The following MAST4 variants were observed in gnomAD, a reference collection of about 807,000 sequenced individuals.
MAST4 encodes the protein microtubule-associated serine/threonine-protein kinase 4.
Under a neutral mutation model 162.7 loss-of-function variants are expected in MAST4, and 89 were observed. The observed-to-expected ratio is 0.55, with a 90% CI of 0.46 to 0.65. MAST4 has a LOEUF of 0.65. Ranked by LOEUF, MAST4 falls within the 30% of genes least tolerant of loss-of-function variation. The probability of loss-of-function intolerance (pLI) is 0.00; values close to 1 mark genes in which losing one functional copy is unlikely to be tolerated. For synonymous variants in MAST4, 1,479 were observed against 1,361.1 expected (o/e 1.09, Z -1.91); for missense variants, 3,153 against 3,374.0 (o/e 0.93, Z 1.62).
At chr5:67,131,387 T>A (rs1768945313) in intron 15 of MAST4, among the ~76,000 whole-genome samples, 1 of 152,176 alleles carries the variant, frequency 6.6e-6, no homozygotes, top group African/African-American at 2.4e-5. Context: ...AAAGATGGTA[T>A]TATTACCATC....
chr5:66,772,356 A>G (rs1754397420), intron 2 of MAST4, among the ~76,000 whole-genome samples: 2 of 151,762 alleles, frequency 1.3e-5, no homozygotes, highest in African/African-American at 4.8e-5. Context: ...TTTTTTTAAG[A>G]TTTTACCCTC....
intron 1 of MAST4, among the ~76,000 whole-genome samples, chr5:66,635,086 A>G (rs1266342319): frequency 6.6e-6 from 1 of 152,226 alleles, no homozygotes; most frequent in East Asian, 1.9e-4. Flanking sequence ...CAGGTACATC[A>G]TTCTTGTTAG....
At chr5:66,624,619 G>T (rs564390332) in intron 1 of MAST4, among the ~76,000 whole-genome samples, 1 of 152,232 alleles carries the variant, frequency 6.6e-6, no homozygotes, top group South Asian at 2.1e-4. Context: ...AAAGCTGGAG[G>T]CATCCAACTT....
In MAST4 at chr5:67,166,399, C is replaced by A; in HGVS notation, c.7220C>A (p.Ala2407Asp). Residue 2407 changes from alanine to aspartate, a missense_variant, in exon 29 of 29, where the codon GCC becomes GAC. Ala to Asp is a moderately radical substitution (Grantham distance 126). Around this residue, in one of 7 missense-constraint regions of MAST4, gnomAD observed 1,644 missense variants for 1,495.0 expected, o/e 1.10. Coordinates refer to ENST00000403625, the MANE Select transcript of MAST4 (RefSeq NM_001164664.2). Reference sequence around the variant, plus strand: ...CGGTTGAAAGGCGCGGAGCGGCCAGCCGCGGGGGTGGGGAAGGGCTTCCCT... The same window carrying A: ...CGGTTGAAAGGCGCGGAGCGGCCAGACGCGGGGGTGGGGAAGGGCTTCCCT... The part of the protein sequence containing the change: ...ENRLKGAERP[A>D]AGVGKGFPEA... 6.2e-7 allele frequency: 1 copy of A among 1,610,196 alleles called. No individual in the cohort carries two copies.
At chr5:66,813,263 A>G (rs941201705) in intron 3 of MAST4, among the ~76,000 whole-genome samples, 8 of 152,210 alleles carry the variant, frequency 5.3e-5, no homozygotes, top group Admixed American at 1.3e-4. Flanking sequence ...ATGTATCGCA[A>G]TTATAGAGGA....
At chr5:66,640,854 C>T (rs1055903410) in intron 1 of MAST4, among the ~76,000 whole-genome samples, 5 of 152,028 alleles carry the variant, frequency 3.3e-5, no homozygotes, top group African/African-American at 1.2e-4. Context: ...AGCAATGTAC[C>T]AGGGTTCCCT....
At chr5:67,061,220 CCCCCCT>C (rs1759546778) in intron 5 of MAST4, among the ~76,000 whole-genome samples, 1 of 151,970 alleles carries the variant, frequency 6.6e-6, no homozygotes, top group African/African-American at 2.4e-5. Context: ...AACTTTTGTT[CCCCCCT>C]TATCACCACC....
intron 4 of MAST4, among the ~76,000 whole-genome samples, chr5:67,003,339 T>C (rs975318437): frequency 1.3e-5 from 2 of 152,140 alleles, no homozygotes; most frequent in African/African-American, 4.8e-5. Flanking sequence ...ACGAAAGCCT[T>C]GGACATGAAA....
rs116288711 is a variant in MAST4, at chr5:66,993,341, G to A, written c.675-61063G>A. Among the ~76,000 whole-genome samples, 1,439 of 152,272 alleles carry A rather than the reference G, an allele frequency of 9.5e-3. 10 individuals carry two copies. Among genetic ancestry groups the A allele is most frequent in the Non-Finnish European group, 0.014 (978 of 68,020 alleles). ...AAATGTGTGTGCAACCATTCATTCC[G>A]CTGAGTGTCTGGTGTGTACTTTGAG... On this transcript the variant is annotated intron_variant, in intron 4 of 28. Transcript: ENST00000403625.
intron 4 of MAST4, among the ~76,000 whole-genome samples, chr5:67,047,756 A>G (rs980957801): frequency 6.6e-6 from 1 of 152,196 alleles, no homozygotes; most frequent in Non-Finnish European, 1.5e-5. Context: ...CATGGGCCAT[A>G]GGGAAGAGGA....
At chr5:66,648,549 T>C (rs1746014848) in intron 1 of MAST4, among the ~76,000 whole-genome samples, 1 of 152,148 alleles carries the variant, frequency 6.6e-6, no homozygotes, top group Middle Eastern at 3.2e-3. Context: ...TGTTTTGTCT[T>C]TGGCATTCCT....
At chr5:67,095,967 A>ACAC (rs1380245289) in intron 7 of MAST4, among the ~76,000 whole-genome samples, 3 of 151,952 alleles carry the variant, frequency 2.0e-5, no homozygotes, top group African/African-American at 7.3e-5. Context: ...GGGGGGAAAA[A>ACAC]CACAATCTAG....
In MAST4 at chr5:67,061,773, G is replaced by A. The variant is rs545652324; in HGVS notation, c.763+7281G>A. 1.6e-4 allele frequency among the ~76,000 whole-genome samples: 23 copies of A among 148,250 alleles called. No homozygotes were observed. In the South Asian group the frequency reaches 4.9e-3, roughly 31 times the overall value. ...CTTTACCTTTTCATACTCTTAGTCT[G>A]TCAGTATAGGATGATGGTTTTCCTA... On this transcript the variant is annotated intron_variant, in intron 5 of 28. Transcript: ENST00000403625.
At chr5:66,811,888 C>A (rs1756497194) in intron 3 of MAST4, among the ~76,000 whole-genome samples, 1 of 152,106 alleles carries the variant, frequency 6.6e-6, no homozygotes, top group Admixed American at 6.5e-5. Flanking sequence ...GGGTAGAGAA[C>A]CTGGTGACTT....
chr5:66,888,118 A>C (rs1233374999), intron 3 of MAST4, among the ~76,000 whole-genome samples: 1 of 152,164 alleles, frequency 6.6e-6, no homozygotes, highest in Non-Finnish European at 1.5e-5. Context: ...AACAAATAGA[A>C]TCTTTACTTA....
At chr5:67,086,420 G>A (rs760411052) in intron 5 of MAST4, among the ~76,000 whole-genome samples, 1 of 152,158 alleles carries the variant, frequency 6.6e-6, no homozygotes, top group Non-Finnish European at 1.5e-5. Context: ...AATAGCTGCT[G>A]CTAAAATGAG....
chr5:66,735,997 C>G (rs1279665155), intron 1 of MAST4, among the ~76,000 whole-genome samples: 5 of 152,148 alleles, frequency 3.3e-5, no homozygotes, highest in African/African-American at 1.2e-4. Context: ...AACATTTAAT[C>G]TTAGAGCAAA....
intron 5 of MAST4, among the ~76,000 whole-genome samples, chr5:67,057,107 G>T (rs1007765223): frequency 6.6e-6 from 1 of 152,102 alleles, no homozygotes; most frequent in Admixed American, 6.5e-5. Flanking sequence ...ATTACTGTCT[G>T]GTAGATTCCT....
intron 15 of MAST4, 27 bp downstream of exon 15, chr5:67,130,445 T>C: frequency 1.2e-6 from 2 of 1,606,584 alleles, no homozygotes; most frequent in South Asian, 1.1e-5. Context: ...ACATGACACC[T>C]GTACCCAGGA....
Sources: allele counts gnomAD v4.1 joint callset (sites outside exome capture counted in the v4.1 genomes callset), GRCh38; gene constraint gnomAD v4.1.1; regional missense constraint gnomAD v4.1.1; transcripts MANE v1.5; gene names NCBI Gene and HGNC (gene_info 2026-07-23, HGNC 2026-07-21).